CMC1: variants seen among roughly 807,000 people sequenced by gnomAD.
CMC1 encodes COX assembly mitochondrial protein homolog.
A neutral mutation model predicts 14.1 loss-of-function variants in CMC1; 14 were observed. That is an observed-to-expected ratio of 0.99 (90% CI 0.66 to 1.55). The LOEUF (loss-of-function observed/expected upper bound fraction) is 1.55, where lower values mean the gene tolerates loss of function less well. CMC1 is among the 40% of genes most tolerant of loss of function. CMC1 has a pLI of 0.00. For synonymous variants in CMC1, 50 were observed against 38.4 expected, an observed-to-expected ratio of 1.30 and a Z score of -1.12; for missense variants, 127 against 123.8, an observed-to-expected ratio of 1.03 and a Z score of -0.12.
chr3:28,241,721 G>C lies in CMC1; in HGVS notation c.-73G>C. On this transcript the variant is annotated 5_prime_UTR_variant, in exon 1 of 4. Coordinates refer to ENST00000466830, the MANE Select transcript of CMC1 (RefSeq NM_182523.2). The stretch of plus-strand genomic sequence containing the variant: ...GGGTCGCACGTGCGTCCGAGCCCAA[G>C]CCCCTCCCCTCCACTCCCCTTCCTG... 8.1e-7 allele frequency: 1 copy of C among 1,240,324 alleles called. No homozygotes were observed. Among genetic ancestry groups the C allele is most frequent in the Non-Finnish European group, 1.0e-6 (1 of 988,030 alleles). The allele number at this position is 1,240,324 out of a possible 1,614,324, so 76.8% of individuals were successfully genotyped here. A position where few individuals can be genotyped will look rare whatever the true frequency, so the allele number is the denominator to read the frequency against.
intron 2 of CMC1, among the ~76,000 whole-genome samples, chr3:28,291,187 A>G (rs1701453546): frequency 6.6e-6 from 1 of 152,134 alleles, no homozygotes; most frequent in Non-Finnish European, 1.5e-5. Flanking sequence ...TCCTGTCTGC[A>G]TTACCATACT....
chr3:28,241,877 C>T lies in CMC1; in HGVS notation c.19+65C>T, dbSNP rs150356600. On this transcript the variant is annotated intron_variant, in intron 1 of 3. Coordinates refer to ENST00000466830, the MANE Select transcript of CMC1 (RefSeq NM_182523.2). ...CCCGGGTCTCACGCCGCGGGCCATG[C>T]GGGCTGGATGCCGACCTGGGAAAGG... 4.3e-3 allele frequency: 5,276 copies of T among 1,228,826 alleles called. 17 individuals are homozygous for T. Among genetic ancestry groups the T allele is most frequent in the Non-Finnish European group, 4.7e-3 (4,591 of 982,500 alleles). 76.1% of individuals were successfully genotyped at this position (1,228,826 alleles called of 1,614,324 possible). A position where few individuals can be genotyped will look rare whatever the true frequency, so the allele number is the denominator to read the frequency against.
intron 1 of CMC1, among the ~76,000 whole-genome samples, chr3:28,254,109 C>T (rs1476059048): frequency 1.3e-5 from 2 of 152,144 alleles, no homozygotes; most frequent in Non-Finnish European, 2.9e-5. Context: ...TGGAAATTTT[C>T]CCTGATGGTG....
In CMC1 at chr3:28,275,363, C is replaced by T. The variant is rs114689030; in HGVS notation, c.109+11983C>T. On this transcript the variant is annotated intron_variant, in intron 2 of 3. Transcript: ENST00000466830. ...TTTCTTTTTTTTTTTTTTTTACAGCCGTCTTCTGTAGGGCTGTTGTGGTTT... is the reference window on the plus strand; with the variant it reads ...TTTCTTTTTTTTTTTTTTTTACAGCTGTCTTCTGTAGGGCTGTTGTGGTTT... Among the ~76,000 whole-genome samples the T allele has an allele frequency of 9.6e-3, 1,344 of 139,394 alleles. 26 individuals are homozygous for T. Among genetic ancestry groups the T allele is most frequent in the African/African-American group, 0.034 (1,276 of 37,576 alleles). 91.4% of individuals were successfully genotyped at this position (139,394 alleles called of 152,430 possible). A position where few individuals can be genotyped will look rare whatever the true frequency, so the allele number is the denominator to read the frequency against.
chr3:28,241,640 C>G lies in CMC1; in HGVS notation c.-154C>G, dbSNP rs899372121. ...TAGGAGCCTGGGAAGGAAGAGGGAA[C>G]GGGTCCTGGCGGTGCTTTGCAAAGG... is the stretch of plus-strand genomic sequence containing the variant. On this transcript the variant is annotated 5_prime_UTR_variant, in exon 1 of 4. Coordinates refer to ENST00000466830, the MANE Select transcript of CMC1 (RefSeq NM_182523.2). 3 of 1,231,826 alleles carry G rather than the reference C, an allele frequency of 2.4e-6. No individual in the cohort carries two copies. The Admixed American group carries it at 1.3e-4, about 52-fold the overall frequency. 76.3% of individuals were successfully genotyped at this position (1,231,826 alleles called of 1,614,324 possible).
At chr3:28,262,679 A>C (rs1699792792) in intron 1 of CMC1, among the ~76,000 whole-genome samples, 1 of 152,094 alleles carries the variant, frequency 6.6e-6, no homozygotes, top group African/African-American at 2.4e-5. Flanking sequence ...CACTGAAGGC[A>C]CTTATCCTTT....
chr3:28,280,375 A>C (rs925994749), intron 2 of CMC1, among the ~76,000 whole-genome samples: 1 of 152,160 alleles, frequency 6.6e-6, no homozygotes, highest in Non-Finnish European at 1.5e-5. Flanking sequence ...GTATATATTA[A>C]TACTCATTTC....
chr3:28,249,021 A>G (rs1266215101), intron 1 of CMC1, among the ~76,000 whole-genome samples: 1 of 152,132 alleles, frequency 6.6e-6, no homozygotes, highest in East Asian at 1.9e-4. Flanking sequence ...CGATCTCCTG[A>G]CCTTGTGATC....
At chr3:28,290,231 GT>G (rs34937582) in intron 2 of CMC1, among the ~76,000 whole-genome samples, 34,098 of 151,768 alleles carry the variant, frequency 0.22, 4,346 homozygotes, top group Middle Eastern at 0.3. Flanking sequence ...ATCACATTTT[GT>G]CTTTAAAAAT....
Position 28,300,500 on chromosome 3 carries a change from G to A in CMC1, c.110-15833G>A, listed in dbSNP as rs938040934. On this transcript the variant is annotated intron_variant, in intron 2 of 3. Coordinates refer to ENST00000466830, the MANE Select transcript of CMC1 (RefSeq NM_182523.2). Reference sequence around the variant, plus strand: ...CTGCTTAGGAAAAAATGAGAGAGAGGGAGCTGGCTTTTTCACTCTGCTCTT... The same window carrying A: ...CTGCTTAGGAAAAAATGAGAGAGAGAGAGCTGGCTTTTTCACTCTGCTCTT... Among the ~76,000 whole-genome samples the A allele has an allele frequency of 2.6e-5, 4 of 151,880 alleles. No homozygotes were observed. The South Asian group carries it at 8.3e-4, about 32-fold the overall frequency.
At chr3:28,296,001 C>T (rs1701723239) in intron 2 of CMC1, among the ~76,000 whole-genome samples, 1 of 152,052 alleles carries the variant, frequency 6.6e-6, no homozygotes, top group African/African-American at 2.4e-5. Flanking sequence ...AATTTTCATG[C>T]CCTAAACCAG....
chr3:28,288,593 A>C (rs941254138), intron 2 of CMC1, among the ~76,000 whole-genome samples: 2 of 152,056 alleles, frequency 1.3e-5, no homozygotes, highest in African/African-American at 4.8e-5. Flanking sequence ...GTACAACTGC[A>C]ACTGCCACAT....
At chr3:28,243,129 C>T (rs1460654114) in intron 1 of CMC1, among the ~76,000 whole-genome samples, 1 of 152,100 alleles carries the variant, frequency 6.6e-6, no homozygotes, top group Non-Finnish European at 1.5e-5. Context: ...TATCTCGGCT[C>T]ACTGTAGCCT....
intron 1 of CMC1, among the ~76,000 whole-genome samples, chr3:28,251,510 A>G (rs1216298079): frequency 1.3e-5 from 2 of 152,264 alleles, no homozygotes; most frequent in East Asian, 1.9e-4. Context: ...GGGACAAACC[A>G]TATCCAAACC....
intron 2 of CMC1, among the ~76,000 whole-genome samples, chr3:28,295,992 A>G: frequency 6.6e-6 from 1 of 152,170 alleles, no homozygotes; most frequent in East Asian, 1.9e-4. Context: ...TAGAATAAGA[A>G]TTTTCATGCC....
chr3:28,312,848 A>G (rs1702706534), intron 2 of CMC1, among the ~76,000 whole-genome samples: 1 of 152,118 alleles, frequency 6.6e-6, no homozygotes, highest in Non-Finnish European at 1.5e-5. Flanking sequence ...AATTATATCC[A>G]AAGAATTTTT....
intron 2 of CMC1, among the ~76,000 whole-genome samples, chr3:28,283,605 T>C (rs1701025814): frequency 6.6e-6 from 1 of 151,148 alleles, no homozygotes; most frequent in Non-Finnish European, 1.5e-5. Flanking sequence ...CAGTAATATA[T>C]TGTCTTGCTT....
chr3:28,303,341 T>C (rs1702153138), intron 2 of CMC1, among the ~76,000 whole-genome samples: 3 of 152,218 alleles, frequency 2.0e-5, no homozygotes, highest in Admixed American at 2.0e-4. Context: ...TAATGTATTC[T>C]TGAATTTTGG....
intron 2 of CMC1, among the ~76,000 whole-genome samples, chr3:28,311,866 C>T (rs1041048748): frequency 6.6e-6 from 1 of 152,076 alleles, no homozygotes; most frequent in Non-Finnish European, 1.5e-5. Flanking sequence ...CATTTTTAGT[C>T]CTATATTTGT....
Sources: gnomAD v4.1 joint callset for allele counts (sites outside exome capture counted in the v4.1 genomes callset) on GRCh38, gnomAD v4.1.1 for gene constraint, MANE v1.5 for transcripts, NCBI Gene and HGNC (gene_info 2026-07-23, HGNC 2026-07-21) for gene names.